HPSE2: variants seen among roughly 807,000 people sequenced by gnomAD.
HPSE2 encodes the protein inactive heparanase-2.
HPSE2 carries 38 observed loss-of-function variants against 60.5 expected under a neutral mutation model. That is an observed-to-expected ratio of 0.63 (90% CI 0.48 to 0.82). The LOEUF (loss-of-function observed/expected upper bound fraction) is 0.82. Among genes scored for constraint, HPSE2 ranks in the 40% least tolerant of loss-of-function variants. The pLI is 0.00. For missense variants in HPSE2, 713 were observed against 740.4 expected (o/e 0.96, Z 0.43); for synonymous variants, 295 against 293.2 (o/e 1.01, Z -0.06).
intron 2 of HPSE2, among the ~76,000 whole-genome samples, chr10:99,183,640 TCTC>T (rs1391658215): frequency 1.7e-4 from 26 of 152,288 alleles, no homozygotes; most frequent in African/African-American, 6.0e-4. Flanking sequence ...TGAGCTCCCA[TCTC>T]CTCAACTGCA....
intron 3 of HPSE2, among the ~76,000 whole-genome samples, chr10:98,756,560 A>G (rs1169964999): frequency 6.6e-6 from 1 of 152,264 alleles, no homozygotes; most frequent in African/African-American, 2.4e-5. Context: ...TATGCACACA[A>G]ACTAGGAAAC....
intron 3 of HPSE2, among the ~76,000 whole-genome samples, chr10:98,922,895 G>A (rs1012043125): frequency 1.2e-4 from 18 of 152,090 alleles, no homozygotes; most frequent in Non-Finnish European, 2.1e-4. Flanking sequence ...TTGGTTCATC[G>A]TTTATTCTTT....
At chr10:98,556,102 A>G (rs1944000232) in intron 9 of HPSE2, among the ~76,000 whole-genome samples, 1 of 152,186 alleles carries the variant, frequency 6.6e-6, no homozygotes, top group Non-Finnish European at 1.5e-5. Context: ...TATTTGCCAC[A>G]TGTGCTTCTA....
At position 98,837,271 on chromosome 10, in the gene HPSE2, T is replaced by A. The variant is rs573438119; in HGVS notation, c.611-93215A>T. Among the ~76,000 whole-genome samples, 36 of 152,256 alleles carry A rather than the reference T, an allele frequency of 2.4e-4. No homozygotes were observed. In the South Asian group the frequency reaches 7.1e-3, roughly 30 times the overall value. On this transcript the variant is annotated intron_variant, in intron 3 of 11. Transcript: ENST00000370552. Reference sequence around the variant, plus strand: ...CAAGAAATGTATGCATTATTTTTAGTTAGTGGTGACCCAAAAGATTTTGTG... The same window carrying A: ...CAAGAAATGTATGCATTATTTTTAGATAGTGGTGACCCAAAAGATTTTGTG...
chr10:98,966,584 G>C (rs568501735), intron 3 of HPSE2, among the ~76,000 whole-genome samples: 1 of 152,276 alleles, frequency 6.6e-6, no homozygotes, highest in South Asian at 2.1e-4. Flanking sequence ...TGGTGGGACT[G>C]TATTTTGAAT....
intron 3 of HPSE2, among the ~76,000 whole-genome samples, chr10:99,070,577 A>G (rs1464363013): frequency 2.6e-5 from 4 of 152,246 alleles, no homozygotes; most frequent in Non-Finnish European, 5.9e-5. Flanking sequence ...AACTACAGGT[A>G]CAATGTTGTA....
chr10:99,216,211 T>TC (rs397723378), intron 2 of HPSE2, among the ~76,000 whole-genome samples: 10 of 150,316 alleles, frequency 6.7e-5, no homozygotes, highest in East Asian at 2.0e-4. Context: ...TTTTTTTTTT[T>TC]CTGAGACAGA....
intron 9 of HPSE2, among the ~76,000 whole-genome samples, chr10:98,583,249 G>A (rs1341067340): frequency 6.6e-6 from 1 of 152,128 alleles, no homozygotes; most frequent in African/African-American, 2.4e-5. Context: ...TTACATAGGC[G>A]TACACCAATT....
At chr10:98,463,435 C>A (rs1940391264) in intron 11 of HPSE2, among the ~76,000 whole-genome samples, 1 of 152,200 alleles carries the variant, frequency 6.6e-6, no homozygotes, top group South Asian at 2.1e-4. Context: ...ATGTCTTTCA[C>A]AGAGATGAGG....
chr10:98,509,431 A>G (rs1408331228), intron 9 of HPSE2, among the ~76,000 whole-genome samples: 1 of 152,208 alleles, frequency 6.6e-6, no homozygotes, highest in Non-Finnish European at 1.5e-5. Flanking sequence ...GATATTTAAG[A>G]GATAGCATTG....
chr10:99,115,059 G>A (rs984268606), intron 3 of HPSE2, among the ~76,000 whole-genome samples: 9 of 151,908 alleles, frequency 5.9e-5, no homozygotes, highest in Non-Finnish European at 8.8e-5. Flanking sequence ...ATAGTTGGCC[G>A]TTAACATCCA....
Position 98,655,612 on chromosome 10 carries a change from T to G in HPSE2, c.1005-13672A>C, listed in dbSNP as rs561675284. ...GCTTGTATGAAATTTCAGCTTTTTC[T>G]TGTATAAATAGGAAGTAACAACTTC... On this transcript the variant is annotated intron_variant, in intron 6 of 11. Transcript: ENST00000370552. Among the ~76,000 whole-genome samples, 119 of 152,298 alleles carry G rather than the reference T, an allele frequency of 7.8e-4. 1 individual carries two copies. The highest frequency in any genetic ancestry group is 2.7e-3 in the African/African-American group (113 of 41,558).
At chr10:98,880,418 T>C (rs941905357) in intron 3 of HPSE2, among the ~76,000 whole-genome samples, 2 of 152,014 alleles carry the variant, frequency 1.3e-5, no homozygotes, top group Middle Eastern at 3.4e-3. Context: ...GTATTTTTCC[T>C]TTATGTAAAC....
chr10:99,188,367 C>T (rs1274494126), intron 2 of HPSE2, among the ~76,000 whole-genome samples: 1 of 152,136 alleles, frequency 6.6e-6, no homozygotes, highest in Admixed American at 6.6e-5. Context: ...AATGAATGAA[C>T]ATATTTATCA....
At chr10:99,085,988 A>G (rs1843302426) in intron 3 of HPSE2, among the ~76,000 whole-genome samples, 1 of 152,174 alleles carries the variant, frequency 6.6e-6, no homozygotes, top group African/African-American at 2.4e-5. Context: ...TGTCAAAATC[A>G]TATTCATTTC....
intron 2 of HPSE2, among the ~76,000 whole-genome samples, chr10:99,184,831 G>T (rs1448344923): frequency 0.073 from 3,545 of 48,712 alleles, 455 homozygotes; most frequent in Non-Finnish European, 0.13. Context: ...GAGAGAGAGA[G>T]AGAGAGAGAG....
At chr10:98,535,633 T>C (rs191681081) in intron 9 of HPSE2, among the ~76,000 whole-genome samples, 18 of 152,304 alleles carry the variant, frequency 1.2e-4, no homozygotes, top group African/African-American at 4.1e-4. Flanking sequence ...TGTTGGGACA[T>C]GATTCTTTAA....
intron 2 of HPSE2, among the ~76,000 whole-genome samples, chr10:99,151,833 T>C (rs1365288528): frequency 6.6e-6 from 1 of 152,180 alleles, no homozygotes; most frequent in African/African-American, 2.4e-5. Context: ...GGAGGACTGC[T>C]TGAGCTCAGG....
chr10:98,997,093 T>C (rs1040264577), intron 3 of HPSE2, among the ~76,000 whole-genome samples: 1 of 150,690 alleles, frequency 6.6e-6, no homozygotes, highest in African/African-American at 2.4e-5. Context: ...GTCCTTACTT[T>C]AGTCAATACA....
Sources: allele counts gnomAD v4.1 joint callset (sites outside exome capture counted in the v4.1 genomes callset), GRCh38; gene constraint gnomAD v4.1.1; transcripts MANE v1.5; gene names NCBI Gene and HGNC (gene_info 2026-07-23, HGNC 2026-07-21).